CLDN16: variants seen among roughly 807,000 people sequenced by gnomAD.
The protein encoded by CLDN16 is claudin 16.
Under a neutral mutation model 24.6 loss-of-function variants are expected in CLDN16, and 13 were observed. That is an observed-to-expected ratio of 0.53 (90% CI 0.34 to 0.84). CLDN16 has a LOEUF of 0.84. Ranked by LOEUF, CLDN16 falls within the 40% of genes least tolerant of loss-of-function variation. CLDN16 has a pLI of 0.01. For missense variants in CLDN16, 298 were observed against 292.7 expected, an observed-to-expected ratio of 1.02 and a Z score of -0.13; for synonymous variants, 116 against 106.7, an observed-to-expected ratio of 1.09 and a Z score of -0.54.
intron 1 of CLDN16, among the ~76,000 whole-genome samples, chr3:190,394,169 T>TCACATTTACAAA: frequency 1.3e-5 from 2 of 152,312 alleles, no homozygotes; most frequent in Admixed American, 1.3e-4. Context: ...GAAAATAAAT[T>TCACATTTACAAA]GAGATAATAG....
chr3:190,369,980 C>T (rs569947290), intron 1 of CLDN16, among the ~76,000 whole-genome samples: 11 of 151,950 alleles, frequency 7.2e-5, no homozygotes, highest in African/African-American at 2.7e-4. Flanking sequence ...TTTTGTATTC[C>T]GAGAAAGGCT....
intron 1 of CLDN16, among the ~76,000 whole-genome samples, chr3:190,334,098 C>T (rs183142841): frequency 7.8e-4 from 119 of 152,246 alleles, no homozygotes; most frequent in Non-Finnish European, 1.5e-3. Context: ...TATTGCTACT[C>T]TGCCAAAATG....
chr3:190,389,419 A>C (rs570944728), intron 1 of CLDN16, among the ~76,000 whole-genome samples: 2 of 152,206 alleles, frequency 1.3e-5, no homozygotes, highest in Non-Finnish European at 2.9e-5. Flanking sequence ...TACTCGACTG[A>C]GTTTATATAT....
intron 1 of CLDN16, among the ~76,000 whole-genome samples, chr3:190,395,820 G>A (rs533355635): frequency 5.3e-5 from 8 of 151,708 alleles, no homozygotes; most frequent in African/African-American, 1.7e-4. Flanking sequence ...TCTTGATAGC[G>A]GTTAACCAAC....
the CLDN16 span, among the ~76,000 whole-genome samples, chr3:190,312,159 G>T: frequency 6.6e-6 from 1 of 151,914 alleles, no homozygotes; most frequent in Non-Finnish European, 1.5e-5. Context: ...TTGAACTCAC[G>T]ACCTCAGGTG....
chr3:190,338,456 G>T (rs992157786), intron 1 of CLDN16, among the ~76,000 whole-genome samples: 1 of 152,202 alleles, frequency 6.6e-6, no homozygotes, highest in African/African-American at 2.4e-5. Flanking sequence ...TACGTGAACT[G>T]CAGGTTATCT....
intron 2 of CLDN16, among the ~76,000 whole-genome samples, chr3:190,372,006 G>A (rs1015239347): frequency 1.3e-5 from 2 of 151,850 alleles, no homozygotes; most frequent in Non-Finnish European, 2.9e-5. Flanking sequence ...ACATATAAGG[G>A]TGTCTTAGTC....
the CLDN16 span, among the ~76,000 whole-genome samples, chr3:190,304,617 G>T: frequency 4.6e-5 from 7 of 152,056 alleles, no homozygotes; most frequent in Non-Finnish European, 1.0e-4. Context: ...CCTAGAAGCT[G>T]CAATGACTTC....
chr3:190,297,557 A>G, the CLDN16 span, among the ~76,000 whole-genome samples: 1 of 138,624 alleles, frequency 7.2e-6, no homozygotes, highest in East Asian at 2.0e-4. Context: ...TAATATAGAT[A>G]TATAATATAT....
intron 3 of CLDN16, among the ~76,000 whole-genome samples, 161 bp from the exon 4 acceptor site, chr3:190,408,153 A>G (rs1271634990): frequency 2.0e-5 from 3 of 152,254 alleles, no homozygotes; most frequent in African/African-American, 7.2e-5. Context: ...GGCAAAAGGA[A>G]GAGACAGAAG....
intron 1 of CLDN16, among the ~76,000 whole-genome samples, chr3:190,398,877 T>A (rs906607344): frequency 1.3e-5 from 2 of 152,218 alleles, no homozygotes; most frequent in African/African-American, 2.4e-5. Flanking sequence ...CAATCTATAT[T>A]TAATATTTAA....
intron 1 of CLDN16, among the ~76,000 whole-genome samples, chr3:190,353,128 A>G (rs1717703033): frequency 6.6e-6 from 1 of 152,098 alleles, no homozygotes; most frequent in Non-Finnish European, 1.5e-5. Context: ...CATGAGCATT[A>G]ATACAAAGTC....
intron 1 of CLDN16, among the ~76,000 whole-genome samples, chr3:190,345,930 T>C (rs142317873): frequency 1.2e-3 from 178 of 152,052 alleles, no homozygotes; most frequent in African/African-American, 4.1e-3. Context: ...ATAATATTTA[T>C]TGAGGTAGTG....
At chr3:190,325,635 AGGTAAGACT>A (rs965162945) in intron 1 of CLDN16, among the ~76,000 whole-genome samples, 1 of 152,326 alleles carries the variant, frequency 6.6e-6, no homozygotes, top group East Asian at 1.9e-4. Flanking sequence ...ACAGAAGCAA[AGGTAAGACT>A]GTGAGTGTCA....
upstream of CLDN16, chr3:190,387,946 A>G (rs895728830): frequency 9.3e-6 from 6 of 642,964 alleles, no homozygotes; most frequent in African/African-American, 1.8e-5. Flanking sequence ...AGGTTCCAGC[A>G]TGGGGTGGGA....
chr3:190,372,500 T>C (rs958017336), intron 2 of CLDN16, among the ~76,000 whole-genome samples: 1 of 151,804 alleles, frequency 6.6e-6, no homozygotes, highest in South Asian at 2.1e-4. Context: ...AATAATTTAG[T>C]TGGGCTTGTC....
upstream of CLDN16, among the ~76,000 whole-genome samples, chr3:190,317,894 A>G (rs763718760): frequency 5.3e-5 from 8 of 152,166 alleles, no homozygotes; most frequent in Non-Finnish European, 7.3e-5. Context: ...GCAGATTCCA[A>G]TTCTCCCTTT....
upstream of CLDN16, among the ~76,000 whole-genome samples, chr3:190,320,771 T>TG (rs1032888134): frequency 6.6e-6 from 1 of 152,166 alleles, no homozygotes; most frequent in African/African-American, 2.4e-5. Context: ...TGGGGGCCAG[T>TG]GGGCAGTCAC....
At chr3:190,293,863 A>G in the CLDN16 span, among the ~76,000 whole-genome samples, 1 of 152,164 alleles carries the variant, frequency 6.6e-6, no homozygotes, top group African/African-American at 2.4e-5. Flanking sequence ...TAAAAGAGGG[A>G]GGACAGAGGG....
Sources: allele counts gnomAD v4.1 joint callset (sites outside exome capture counted in the v4.1 genomes callset), GRCh38; gene constraint gnomAD v4.1.1; transcripts MANE v1.5; gene names NCBI Gene and HGNC (gene_info 2026-07-23, HGNC 2026-07-21).